ERG: variants seen among roughly 807,000 people sequenced by gnomAD.
ERG encodes ETS transcription factor ERG, also known as transcriptional regulator ERG.
A neutral mutation model predicts 55.3 loss-of-function variants in ERG; 9 were observed. The observed-to-expected ratio is 0.16, with a 90% CI of 0.10 to 0.28. The LOEUF is 0.28. Among genes scored for constraint, ERG ranks in the 10% least tolerant of loss-of-function variants. The pLI, the probability that ERG is intolerant of heterozygous loss-of-function variation, is 1.00. For missense variants in ERG, 434 were observed against 631.6 expected (o/e 0.69, Z 3.35); for synonymous variants, 223 against 237.3 (o/e 0.94, Z 0.55).
At chr21:38,619,749 A>G (rs2146940435) in intron 1 of ERG, among the ~76,000 whole-genome samples, 1 of 152,356 alleles carries the variant, frequency 6.6e-6, no homozygotes, top group African/African-American at 2.4e-5. Context: ...AATTTATGGC[A>G]TTGTGGCTTA....
intron 2 of ERG, among the ~76,000 whole-genome samples, chr21:38,518,906 AT>A (rs1255446792): frequency 6.6e-6 from 1 of 152,112 alleles, no homozygotes; most frequent in African/African-American, 2.4e-5. Context: ...TACTATTCAT[AT>A]CCAGAATATG....
intron 1 of ERG, among the ~76,000 whole-genome samples, chr21:38,645,720 C>T (rs2060451983): frequency 6.6e-6 from 1 of 152,114 alleles, no homozygotes; most frequent in Admixed American, 6.5e-5. Flanking sequence ...ATTTAAACAC[C>T]ACTTAAAACA....
the ERG span, among the ~76,000 whole-genome samples, chr21:38,371,980 T>C: frequency 3.3e-5 from 5 of 152,106 alleles, no homozygotes; most frequent in African/African-American, 9.6e-5. Context: ...ACTTTAGCTT[T>C]CTTTGTGGGA....
chr21:38,551,190 A>G (rs1028156909), intron 2 of ERG, among the ~76,000 whole-genome samples: 11 of 151,306 alleles, frequency 7.3e-5, no homozygotes, highest in Non-Finnish European at 2.9e-5. Flanking sequence ...TTCAGTGGTA[A>G]TGTCCCCTTT....
chr21:38,423,299 C>G (rs1476639257), intron 3 of ERG, 111 bp downstream of exon 3: 1 of 1,175,524 alleles, frequency 8.5e-7, no homozygotes, highest in Non-Finnish European at 1.2e-6. Context: ...CTGCTCTGGA[C>G]AAAGGAGATG....
Position 38,520,067 on chromosome 21 carries a change from C to T in ERG, c.-41+55595G>A, listed in dbSNP as rs551235460. Reference sequence around the variant, plus strand: ...AAAAAAAACTTCCAGGGTTACTTTTCTCCTCAGTTAGCAGGTCAAAACTTT... The same window carrying T: ...AAAAAAAACTTCCAGGGTTACTTTTTTCCTCAGTTAGCAGGTCAAAACTTT... On this transcript the variant is annotated intron_variant, in intron 2 of 8. Transcript: ENST00000398897. Among the ~76,000 whole-genome samples the T allele has an allele frequency of 7.9e-5, 12 of 152,144 alleles. No individual in the cohort carries two copies. The East Asian group carries it at 2.1e-3, about 27-fold the overall frequency.
intron 2 of ERG, among the ~76,000 whole-genome samples, chr21:38,512,938 C>A (rs2059524117): frequency 6.6e-6 from 1 of 152,104 alleles, no homozygotes. Flanking sequence ...TGAGACCACC[C>A]TGGGCAACAT....
At chr21:38,411,839 C>A (rs1262532189) in intron 3 of ERG, among the ~76,000 whole-genome samples, 2 of 152,092 alleles carry the variant, frequency 1.3e-5, no homozygotes, top group Non-Finnish European at 1.5e-5. Context: ...TTGACTATTT[C>A]TTTTTGCAGT....
chr21:38,441,139 T>C (rs879561021), intron 2 of ERG, among the ~76,000 whole-genome samples: 32 of 152,120 alleles, frequency 2.1e-4, no homozygotes, highest in African/African-American at 7.7e-4. Context: ...CAGAGCACAC[T>C]GGTTTGGAGA....
intron 2 of ERG, among the ~76,000 whole-genome samples, chr21:38,542,256 G>A (rs868425725): frequency 6.6e-6 from 1 of 152,282 alleles, no homozygotes; most frequent in Middle Eastern, 3.4e-3. Context: ...CCAAAGTGCT[G>A]GGATTACAGG....
At chr21:38,584,017 G>C (rs887593889) in intron 1 of ERG, among the ~76,000 whole-genome samples, 1 of 152,230 alleles carries the variant, frequency 6.6e-6, no homozygotes, top group African/African-American at 2.4e-5. Context: ...GCAGATTAGA[G>C]GCCTCACAGT....
At chr21:38,423,179 TA>T (rs1378281485) in intron 3 of ERG, among the ~76,000 whole-genome samples, 2 of 152,020 alleles carry the variant, frequency 1.3e-5, no homozygotes, top group Non-Finnish European at 2.9e-5. Context: ...CTGTCTCACA[TA>T]TTTTTTAAAT....
chr21:38,639,937 G>T (rs941459862), intron 1 of ERG, among the ~76,000 whole-genome samples: 1 of 152,114 alleles, frequency 6.6e-6, no homozygotes, highest in African/African-American at 2.4e-5. Context: ...GGACAGCCAC[G>T]CCTGGAAACA....
At position 38,526,115 on chromosome 21, in the gene ERG, T is replaced by C. The variant is rs186548654; in HGVS notation, c.-41+49547A>G. ...GTCTGTTACATGTGCAGGTGCTGTG[T>C]GTGAGGGAAGCACTGAGGACCACTG... On this transcript the variant is annotated intron_variant, in intron 2 of 8. Transcript: ENST00000398897. Among the ~76,000 whole-genome samples the C allele has an allele frequency of 4.1e-3, 627 of 152,264 alleles. 6 individuals carry two copies. The highest frequency in any genetic ancestry group is 0.014 in the African/African-American group (602 of 41,542).
intron 1 of ERG, among the ~76,000 whole-genome samples, chr21:38,597,707 T>C (rs767987610): frequency 8.6e-5 from 13 of 152,022 alleles, no homozygotes; most frequent in Admixed American, 2.0e-4. Context: ...CCAACCATAC[T>C]CCCAGCATCT....
chr21:38,637,572 G>C (rs2060397362), intron 1 of ERG, among the ~76,000 whole-genome samples: 1 of 152,164 alleles, frequency 6.6e-6, no homozygotes, highest in African/African-American at 2.4e-5. Flanking sequence ...CCTGACAACT[G>C]TGCTACTGTC....
chr21:38,486,636 A>G (rs2059287934), intron 1 of ERG, among the ~76,000 whole-genome samples: 1 of 152,230 alleles, frequency 6.6e-6, no homozygotes, highest in Non-Finnish European at 1.5e-5. Flanking sequence ...AACAATTGAG[A>G]TATGAGAGTA....
At chr21:38,470,715 C>A (rs186253690) in intron 1 of ERG, 1 of 152,350 alleles carries the variant, frequency 6.6e-6, no homozygotes, top group Admixed American at 6.5e-5. Context: ...ACCCAGCTTT[C>A]CGACCATGGA....
intron 1 of ERG, among the ~76,000 whole-genome samples, chr21:38,628,865 T>C (rs2060340435): frequency 6.6e-6 from 1 of 152,218 alleles, no homozygotes; most frequent in Non-Finnish European, 1.5e-5. Flanking sequence ...CATTAAAACT[T>C]TTTTCTCTTT....
Sources: allele counts gnomAD v4.1 joint callset (sites outside exome capture counted in the v4.1 genomes callset), GRCh38; gene constraint gnomAD v4.1.1; transcripts MANE v1.5; gene names NCBI Gene and HGNC (gene_info 2026-07-23, HGNC 2026-07-21).